Variants in FGGY observed in about 807,000 individuals in gnomAD.
The protein encoded by FGGY is FGGY carbohydrate kinase domain containing.
Under a neutral mutation model 71.3 loss-of-function variants are expected in FGGY, and 72 were observed. That is an observed-to-expected ratio of 1.01 (90% CI 0.84 to 1.23). The LOEUF (loss-of-function observed/expected upper bound fraction) is 1.23, where lower values mean the gene tolerates loss of function less well. Ranked by LOEUF, FGGY falls within the 50% of genes most tolerant of loss-of-function variation. FGGY has a pLI of 0.00. For missense variants in FGGY, 668 were observed against 682.3 expected (o/e 0.98, Z 0.23); for synonymous variants, 251 against 250.3 (o/e 1.00, Z -0.02).
At chr1:59,640,365 T>A (rs2097009910) in intron 11 of FGGY, among the ~76,000 whole-genome samples, 2 of 152,214 alleles carry the variant, frequency 1.3e-5, no homozygotes, top group Admixed American at 6.5e-5. Context: ...TTATGTTATA[T>A]CCTTTTGCTG....
At chr1:59,369,497 A>G (rs2153266027) in intron 4 of FGGY, among the ~76,000 whole-genome samples, 1 of 152,320 alleles carries the variant, frequency 6.6e-6, no homozygotes, top group East Asian at 1.9e-4. Flanking sequence ...ACAGACAAAC[A>G]AAAAGACAGC....
At chr1:59,568,192 A>G (rs1227913815) in intron 8 of FGGY, among the ~76,000 whole-genome samples, 4 of 152,184 alleles carry the variant, frequency 2.6e-5, no homozygotes, top group African/African-American at 9.6e-5. Flanking sequence ...GGCTTGATCC[A>G]TTCAGATCAG....
At chr1:59,589,002 A>C (rs2096371085) in intron 8 of FGGY, among the ~76,000 whole-genome samples, 1 of 152,244 alleles carries the variant, frequency 6.6e-6, no homozygotes, top group Non-Finnish European at 1.5e-5. Flanking sequence ...GGTAAATTGG[A>C]TAAAGAGTCA....
intron 6 of FGGY, among the ~76,000 whole-genome samples, chr1:59,502,812 T>A (rs1055202834): frequency 3.3e-5 from 5 of 152,220 alleles, no homozygotes; most frequent in Non-Finnish European, 4.4e-5. Context: ...TACACTGAAG[T>A]TGATGGTCTG....
chr1:59,493,443 A>G (rs1365355724), intron 6 of FGGY, among the ~76,000 whole-genome samples: 1 of 152,180 alleles, frequency 6.6e-6, no homozygotes, highest in Non-Finnish European at 1.5e-5. Context: ...ATAACAGAAT[A>G]TGATTCAGCA....
At chr1:59,654,526 A>G (rs1285920783) in intron 11 of FGGY, among the ~76,000 whole-genome samples, 1 of 152,218 alleles carries the variant, frequency 6.6e-6, no homozygotes, top group Non-Finnish European at 1.5e-5. Context: ...TCCCTTGGGA[A>G]ACTATTTTTA....
At chr1:59,363,393 G>A (rs532077111) in intron 4 of FGGY, among the ~76,000 whole-genome samples, 5 of 152,210 alleles carry the variant, frequency 3.3e-5, no homozygotes, top group East Asian at 1.9e-4. Flanking sequence ...TGCTTACTAT[G>A]TGCCAGGTGC....
chr1:59,617,876 TTTAGGATGTG>T (rs1312769299), intron 9 of FGGY, among the ~76,000 whole-genome samples: 6 of 152,032 alleles, frequency 3.9e-5, no homozygotes, highest in Non-Finnish European at 8.8e-5. Flanking sequence ...CTCTTGGGAT[TTTAGGATGTG>T]TACATTGTGA....
At chr1:59,350,357 A>G (rs1381668786) in intron 4 of FGGY, among the ~76,000 whole-genome samples, 1 of 152,166 alleles carries the variant, frequency 6.6e-6, no homozygotes, top group Non-Finnish European at 1.5e-5. Flanking sequence ...AGAGCCATCA[A>G]ATGTACTATG....
At chr1:59,760,719 C>A (rs1178617198) in intron 15 of FGGY, among the ~76,000 whole-genome samples, 1 of 152,142 alleles carries the variant, frequency 6.6e-6, no homozygotes, top group Non-Finnish European at 1.5e-5. Context: ...ATGATTCCAC[C>A]TATGTAAAGA....
intron 1 of FGGY, among the ~76,000 whole-genome samples, chr1:59,320,583 C>T (rs2046215428): frequency 6.6e-6 from 1 of 152,184 alleles, no homozygotes; most frequent in South Asian, 2.1e-4. Flanking sequence ...GCCATGAAGG[C>T]CAAGGAATTC....
chr1:59,680,308 A>G (rs781415651), intron 14 of FGGY, among the ~76,000 whole-genome samples: 1 of 152,048 alleles, frequency 6.6e-6, no homozygotes, highest in Non-Finnish European at 1.5e-5. Context: ...ATCCTGTCCC[A>G]TATGTCAGTG....
intron 7 of FGGY, among the ~76,000 whole-genome samples, chr1:59,546,359 ATGTC>A (rs1268953300): frequency 3.4e-5 from 4 of 118,948 alleles, no homozygotes; most frequent in Non-Finnish European, 4.8e-5. Context: ...TATCTAGTAA[ATGTC>A]TGTTTACATC....
intron 8 of FGGY, among the ~76,000 whole-genome samples, chr1:59,555,115 T>A (rs1038142184): frequency 4.6e-5 from 7 of 152,214 alleles, no homozygotes; most frequent in African/African-American, 7.2e-5. Flanking sequence ...TACATGTACT[T>A]ACTTATCAAT....
intron 8 of FGGY, among the ~76,000 whole-genome samples, chr1:59,594,934 G>A (rs944455613): frequency 2.0e-5 from 3 of 152,176 alleles, no homozygotes; most frequent in African/African-American, 7.2e-5. Context: ...GAATACCCCT[G>A]GGCAGTACTC....
At chr1:59,726,727 T>G (rs2097952323) in intron 14 of FGGY, among the ~76,000 whole-genome samples, 1 of 152,160 alleles carries the variant, frequency 6.6e-6, no homozygotes, top group Non-Finnish European at 1.5e-5. Context: ...ATTTGTAACT[T>G]CTCTCTTTTT....
At chr1:59,487,804 C>T (rs1251425002) in intron 6 of FGGY, among the ~76,000 whole-genome samples, 4 of 151,946 alleles carry the variant, frequency 2.6e-5, no homozygotes, top group African/African-American at 9.7e-5. Context: ...CCCACTCCCA[C>T]CCCCTCCCCC....
chr1:59,353,223 A>G (rs1318655866), intron 4 of FGGY, among the ~76,000 whole-genome samples: 2 of 152,282 alleles, frequency 1.3e-5, no homozygotes, highest in South Asian at 2.1e-4. Context: ...TTAGTGAGGT[A>G]TTTGTAAAGT....
chr1:59,310,140 C>T (rs1434472219), intron 1 of FGGY: 1 of 151,380 alleles, frequency 6.6e-6, no homozygotes, highest in Non-Finnish European at 1.5e-5. Flanking sequence ...TCCTCAGCTC[C>T]TCCTGAATTT....
Sources: allele counts gnomAD v4.1 joint callset (sites outside exome capture counted in the v4.1 genomes callset), GRCh38; gene constraint gnomAD v4.1.1; transcripts MANE v1.5; gene names NCBI Gene and HGNC (gene_info 2026-07-23, HGNC 2026-07-21).